Variants in DAB1 observed in about 807,000 individuals in gnomAD.
DAB1 encodes DAB adaptor protein 1.
DAB1 carries 15 observed loss-of-function variants against 64.6 expected under a neutral mutation model. The ratio of observed to expected loss-of-function variants is 0.23; its 90% confidence interval spans 0.16 to 0.36. The LOEUF is 0.36. Ranked by LOEUF, DAB1 falls within the 10% of genes least tolerant of loss-of-function variation. DAB1 has a pLI of 1.00. For missense variants in DAB1, 596 were observed against 706.7 expected (o/e 0.84, Z 1.78); for synonymous variants, 235 against 251.9 (o/e 0.93, Z 0.64).
rs533327706 is a variant in DAB1, at chr1:57,949,726, G to T, written n.388-65564C>A. On this transcript the variant is annotated intron_variant and non_coding_transcript_variant, in intron 5 of 20. Coordinates refer to the DAB1 transcript ENST00000485760. ...AGATTCACCTACATTTTTGCAGGTA[G>T]CCATAATTCATTTATTTTCAACAGT... 3.9e-5 allele frequency among the ~76,000 whole-genome samples: 6 copies of T among 152,168 alleles called. No individual in the cohort carries two copies. The South Asian group carries it at 1.2e-3, about 32-fold the overall frequency.
chr1:57,667,922 T>A (rs1646467777), intron 6 of DAB1, among the ~76,000 whole-genome samples: 1 of 151,924 alleles, frequency 6.6e-6, no homozygotes, highest in Admixed American at 6.6e-5. Context: ...AAATACCTCA[T>A]GCATGTGGGG....
Position 57,991,213 on chromosome 1 carries a change from G to C in DAB1, n.388-107051C>G, listed in dbSNP as rs137865218. Among the ~76,000 whole-genome samples, 95 of 152,268 alleles carry C rather than the reference G, an allele frequency of 6.2e-4. 1 individual carries two copies. The highest frequency in any genetic ancestry group is 2.2e-3 in the African/African-American group (93 of 41,554). On this transcript the variant is annotated intron_variant and non_coding_transcript_variant, in intron 5 of 20. Coordinates refer to the DAB1 transcript ENST00000485760. ...TCAGGGAGAAATTAATAGAGGCAGA[G>C]GCTATTAATAAAACATTACATTACC...
chr1:57,171,049 T>C (rs17541356), intron 2 of DAB1, among the ~76,000 whole-genome samples: 39,818 of 152,046 alleles, frequency 0.26, 6,397 homozygotes, highest in Middle Eastern at 0.38. Flanking sequence ...TATTTTGTGC[T>C]GTGGCTGGAA....
intron 3 of DAB1, among the ~76,000 whole-genome samples, chr1:58,420,462 G>A (rs1300938777): frequency 6.6e-6 from 1 of 152,154 alleles, no homozygotes; most frequent in African/African-American, 2.4e-5. Context: ...TAAATATTGT[G>A]CATGTATTTT....
At chr1:58,296,195 GAGAAAGAA>G (rs56816699) in intron 4 of DAB1, among the ~76,000 whole-genome samples, 12,417 of 93,308 alleles carry the variant, frequency 0.13, 820 homozygotes, top group Middle Eastern at 0.17. Flanking sequence ...GAGAAAGAAA[GAGAAAGAA>G]AGAAAGAAAG....
At chr1:57,602,458 A>G (rs1482503164) in intron 7 of DAB1, among the ~76,000 whole-genome samples, 3 of 152,080 alleles carry the variant, frequency 2.0e-5, no homozygotes, top group Non-Finnish European at 4.4e-5. Flanking sequence ...TGAGCTTCCT[A>G]AGGAGGTCAT....
intron 6 of DAB1, among the ~76,000 whole-genome samples, chr1:57,666,574 T>C (rs542687418): frequency 1.6e-4 from 24 of 152,304 alleles, no homozygotes; most frequent in African/African-American, 5.5e-4. Flanking sequence ...TGCAACTGCA[T>C]TCTACAGGTT....
intron 4 of DAB1, among the ~76,000 whole-genome samples, chr1:58,279,623 C>T (rs2100437608): frequency 6.6e-6 from 1 of 152,288 alleles, no homozygotes; most frequent in South Asian, 2.1e-4. Flanking sequence ...GAGCCGAGGG[C>T]ACAAAGCCCA....
chr1:57,422,092 C>T (rs1229885826), intron 1 of DAB1, among the ~76,000 whole-genome samples: 4 of 152,280 alleles, frequency 2.6e-5, no homozygotes, highest in African/African-American at 7.2e-5. Context: ...CTATAATTGG[C>T]ACATAAATGT....
chr1:57,327,100 G>A (rs1676227890), intron 1 of DAB1, among the ~76,000 whole-genome samples: 1 of 151,942 alleles, frequency 6.6e-6, no homozygotes, highest in Admixed American at 6.6e-5. Flanking sequence ...CCTCACACTT[G>A]GCTAATTTTT....
intron 1 of DAB1, among the ~76,000 whole-genome samples, chr1:57,389,547 T>A (rs17115722): frequency 6.6e-6 from 1 of 152,042 alleles, no homozygotes; most frequent in Non-Finnish European, 1.5e-5. Context: ...ACTGCATATA[T>A]GATGAACTCC....
At chr1:57,844,526 A>G (rs747646625) in intron 1 of DAB1, among the ~76,000 whole-genome samples, 1 of 152,166 alleles carries the variant, frequency 6.6e-6, no homozygotes, top group Non-Finnish European at 1.5e-5. Flanking sequence ...AGAAGCAGGA[A>G]GACGTCTGCC....
At chr1:58,143,674 C>T (rs2100719591) in intron 5 of DAB1, among the ~76,000 whole-genome samples, 1 of 152,286 alleles carries the variant, frequency 6.6e-6, no homozygotes, top group Non-Finnish European at 1.5e-5. Context: ...CCCTGGAACA[C>T]AAAAACTACC....
intron 4 of DAB1, among the ~76,000 whole-genome samples, chr1:58,169,260 C>A (rs572270052): frequency 3.4e-4 from 52 of 151,888 alleles, no homozygotes; most frequent in Non-Finnish European, 6.5e-4. Flanking sequence ...GTCCAGGGAC[C>A]ATTGTGGGTT....
chr1:57,732,770 G>A lies in DAB1; in HGVS notation n.552-83105C>T, dbSNP rs936720274. 5.8e-4 allele frequency among the ~76,000 whole-genome samples: 89 copies of A among 152,252 alleles called. 1 individual carries two copies. Among genetic ancestry groups the A allele is most frequent in the Admixed American group, 5.7e-3 (87 of 15,294 alleles). On this transcript the variant is annotated intron_variant and non_coding_transcript_variant, in intron 6 of 20. Coordinates refer to the DAB1 transcript ENST00000485760. ...AGGCAGGGAGGCTCCCTCATGGTGC[G>A]TCGAACAGGAGAGAGGAGAGACTGG...
intron 6 of DAB1, among the ~76,000 whole-genome samples, chr1:57,742,950 G>A (rs1648072283): frequency 6.6e-6 from 1 of 152,190 alleles, no homozygotes; most frequent in Non-Finnish European, 1.5e-5. Flanking sequence ...CCATGCCTTT[G>A]TATTGTGTGC....
chr1:58,528,910 A>G (rs1481964590), intron 1 of DAB1, among the ~76,000 whole-genome samples: 1 of 152,230 alleles, frequency 6.6e-6, no homozygotes, highest in Non-Finnish European at 1.5e-5. Flanking sequence ...GACGAATTAC[A>G]GTGAAGTGGC....
intron 1 of DAB1, among the ~76,000 whole-genome samples, chr1:57,380,695 A>G (rs943996595): frequency 2.6e-5 from 4 of 152,206 alleles, no homozygotes; most frequent in Non-Finnish European, 5.9e-5. Flanking sequence ...CATAAAGCAC[A>G]CTAATAACAT....
intron 3 of DAB1, among the ~76,000 whole-genome samples, chr1:58,464,711 A>G (rs1412910044): frequency 6.6e-6 from 1 of 152,232 alleles, no homozygotes; most frequent in African/African-American, 2.4e-5. Context: ...ATAAAATATA[A>G]AGTACAAAGC....
Sources: allele counts gnomAD v4.1 joint callset (sites outside exome capture counted in the v4.1 genomes callset), GRCh38; gene constraint gnomAD v4.1.1; transcripts MANE v1.5; gene names NCBI Gene and HGNC (gene_info 2026-07-23, HGNC 2026-07-21).